DIP2C: variants seen among roughly 807,000 people sequenced by gnomAD.
DIP2C encodes the protein disco-interacting protein 2 homolog C.
DIP2C carries 33 observed loss-of-function variants against 192.4 expected under a neutral mutation model. The observed-to-expected ratio is 0.17, with a 90% CI of 0.13 to 0.23. The LOEUF is 0.23. DIP2C is among the 10% of genes least tolerant of loss of function. DIP2C has a pLI of 1.00. For synonymous variants in DIP2C, 979 were observed against 864.1 expected, an observed-to-expected ratio of 1.13 and a Z score of -2.33; for missense variants, 1,537 against 2,110.1, an observed-to-expected ratio of 0.73 and a Z score of 5.32.
At chr10:637,886 A>G (rs61833008) in intron 1 of DIP2C, among the ~76,000 whole-genome samples, 5,052 of 152,244 alleles carry the variant, frequency 0.033, 174 homozygotes, top group African/African-American at 0.082. Context: ...CTCCTCTGCC[A>G]CTCAGAGGTC....
At chr10:599,518 T>C (rs1300282702) in intron 1 of DIP2C, among the ~76,000 whole-genome samples, 1 of 152,164 alleles carries the variant, frequency 6.6e-6, no homozygotes, top group African/African-American at 2.4e-5. Context: ...GAAGCAGCAG[T>C]GGTCATCTGA....
intron 1 of DIP2C, among the ~76,000 whole-genome samples, chr10:633,798 T>A (rs1393446576): frequency 6.6e-6 from 1 of 152,252 alleles, no homozygotes; most frequent in Non-Finnish European, 1.5e-5. Context: ...CAGACGAGTT[T>A]TCCTGGGTTA....
chr10:551,029 C>T (rs1848558002), intron 1 of DIP2C, among the ~76,000 whole-genome samples: 3 of 152,078 alleles, frequency 2.0e-5, no homozygotes, highest in Admixed American at 2.0e-4. Context: ...TCCCCCTCTG[C>T]CCTCACTGGA....
At chr10:586,855 G>GA (rs61439635) in intron 1 of DIP2C, among the ~76,000 whole-genome samples, 47,079 of 151,902 alleles carry the variant, frequency 0.31, 12,495 homozygotes, top group African/African-American at 0.73. Flanking sequence ...ATTTTGTGGG[G>GA]AAAACCCCAC....
intron 8 of DIP2C, among the ~76,000 whole-genome samples, chr10:410,876 G>A (rs1352765312): frequency 2.6e-5 from 4 of 152,214 alleles, no homozygotes; most frequent in African/African-American, 4.8e-5. Flanking sequence ...TTAAGCTGCT[G>A]ATATAAAGAT....
intron 3 of DIP2C, 61 bp from the exon 4 acceptor site, chr10:441,057 C>G (rs1564715872): frequency 2.6e-6 from 4 of 1,556,112 alleles, no homozygotes; most frequent in Non-Finnish European, 2.6e-6. Flanking sequence ...CCAAGCTGCA[C>G]CCTCCTCTCT....
intron 1 of DIP2C, among the ~76,000 whole-genome samples, chr10:601,789 G>A (rs940247314): frequency 7.2e-5 from 11 of 152,318 alleles, no homozygotes; most frequent in Middle Eastern, 3.4e-3. Context: ...AGGAGGAAGC[G>A]GCTGGGGACG....
chr10:604,574 C>T (rs1852332894), intron 1 of DIP2C, among the ~76,000 whole-genome samples: 2 of 152,166 alleles, frequency 1.3e-5, no homozygotes, highest in Non-Finnish European at 2.9e-5. Context: ...CACCCTGGGC[C>T]CAAGTTTAAG....
intron 1 of DIP2C, among the ~76,000 whole-genome samples, chr10:545,441 C>A (rs997406684): frequency 6.6e-6 from 1 of 152,080 alleles, no homozygotes; most frequent in Non-Finnish European, 1.5e-5. Context: ...CAGGTGTGAG[C>A]CACCACGCCC....
intron 2 of DIP2C, among the ~76,000 whole-genome samples, chr10:481,689 G>T (rs775388828): frequency 2.0e-5 from 3 of 152,232 alleles, no homozygotes; most frequent in Non-Finnish European, 4.4e-5. Flanking sequence ...GGCAGTGGAA[G>T]GTCTCCGGTG....
chr10:603,512 A>AG (rs1338212962), intron 1 of DIP2C, among the ~76,000 whole-genome samples: 2 of 152,114 alleles, frequency 1.3e-5, no homozygotes, highest in Non-Finnish European at 2.9e-5. Flanking sequence ...CAAGTATATC[A>AG]GGTATACCTG....
At chr10:558,459 A>G (rs1194699861) in intron 1 of DIP2C, among the ~76,000 whole-genome samples, 4 of 152,158 alleles carry the variant, frequency 2.6e-5, no homozygotes, top group African/African-American at 9.7e-5. Flanking sequence ...TATCACCACG[A>G]GCTGGGGGAA....
At chr10:612,210 G>A (rs74883520) in intron 1 of DIP2C, among the ~76,000 whole-genome samples, 6 of 151,714 alleles carry the variant, frequency 4.0e-5, no homozygotes, top group East Asian at 1.9e-4. Context: ...GGAGAATGGC[G>A]TGAACCCAGG....
At chr10:357,652 C>T (rs936189141) in intron 23 of DIP2C, among the ~76,000 whole-genome samples, 176 bp downstream of exon 23, 6 of 152,194 alleles carry the variant, frequency 3.9e-5, no homozygotes, top group Admixed American at 6.5e-5. Context: ...CGCGCGACAT[C>T]GGAGACTGTC....
At chr10:364,685 C>A in intron 19 of DIP2C, 103 bp from the exon 20 acceptor site, 1 of 1,296,322 alleles carries the variant, frequency 7.7e-7, no homozygotes, top group South Asian at 1.4e-5. Flanking sequence ...TTAAGCTCTG[C>A]CTTTCACCCC....
intron 2 of DIP2C, among the ~76,000 whole-genome samples, chr10:483,660 G>A (rs1265456037): frequency 6.6e-6 from 1 of 152,162 alleles, no homozygotes; most frequent in East Asian, 1.9e-4. Context: ...TCTGCCCCTT[G>A]CTCCTGAGAG....
chr10:432,965 T>C (rs181384890), intron 4 of DIP2C, among the ~76,000 whole-genome samples: 4 of 152,358 alleles, frequency 2.6e-5, no homozygotes, highest in African/African-American at 9.6e-5. Flanking sequence ...TTCTACTTCA[T>C]TGTGGTTGAG....
intron 1 of DIP2C, among the ~76,000 whole-genome samples, chr10:585,876 T>C (rs1294606333): frequency 6.6e-6 from 1 of 152,230 alleles, no homozygotes; most frequent in South Asian, 2.1e-4. Flanking sequence ...TATACTTAAA[T>C]GCATTTAATC....
intron 3 of DIP2C, among the ~76,000 whole-genome samples, chr10:448,498 G>GCA (rs1248098344): frequency 6.8e-6 from 1 of 146,206 alleles, no homozygotes; most frequent in Admixed American, 6.8e-5. Context: ...ACACAGTGGG[G>GCA]CAGCAGGACC....
Sources: gnomAD v4.1 joint callset for allele counts (sites outside exome capture counted in the v4.1 genomes callset) on GRCh38, gnomAD v4.1.1 for gene constraint, MANE v1.5 for transcripts, NCBI Gene and HGNC (gene_info 2026-07-23, HGNC 2026-07-21) for gene names.